The following CYB5R3 variants were observed in gnomAD, a reference collection of about 807,000 sequenced individuals.
CYB5R3 encodes the protein cytochrome b5 reductase 3, also known as NADH-cytochrome b5 reductase 3.
CYB5R3 carries 28 observed loss-of-function variants against 36.5 expected under a neutral mutation model. The observed-to-expected ratio is 0.77, with a 90% confidence interval of 0.57 to 1.05. CYB5R3 has a LOEUF of 1.05. Among genes scored for constraint, CYB5R3 ranks in the 50% least tolerant of loss-of-function variants. The pLI, the probability that CYB5R3 is intolerant of heterozygous loss-of-function variation, is 0.00. For synonymous variants in CYB5R3, 181 were observed against 159.8 expected (o/e 1.13, Z -1.00); for missense variants, 474 against 408.9 (o/e 1.16, Z -1.37).
At chr22:42,620,850 G>A (rs1186726650) in intron 8 of CYB5R3, among the ~76,000 whole-genome samples, 1 of 152,186 alleles carries the variant, frequency 6.6e-6, no homozygotes, top group Non-Finnish European at 1.5e-5. Flanking sequence ...GGGAAGCCTG[G>A]AGTGATACGT....
chr22:42,642,520 G>A (rs1028644167), intron 1 of CYB5R3, among the ~76,000 whole-genome samples: 4 of 152,158 alleles, frequency 2.6e-5, no homozygotes, highest in Non-Finnish European at 4.4e-5. Context: ...CTCACTGCAA[G>A]CTCTGCCTCC....
rs147491759 is a variant in CYB5R3 at position 42,641,708 on chromosome 22, A to G, written c.22-4862T>C. 3.9e-5 allele frequency among the ~76,000 whole-genome samples: 6 copies of G among 152,210 alleles called. No individual in the cohort carries two copies. In the East Asian group the frequency reaches 9.6e-4, roughly 24 times the overall value. On this transcript the variant is annotated intron_variant, in intron 1 of 8. Coordinates refer to ENST00000352397, the MANE Select transcript of CYB5R3 (RefSeq NM_000398.7). ...ATCATGTTGGCCAGGCTGGTCTCGAACTTCTGACCTCAGGTGATCTGCCTG... is the reference window on the plus strand; with the variant it reads ...ATCATGTTGGCCAGGCTGGTCTCGAGCTTCTGACCTCAGGTGATCTGCCTG...
At chr22:42,628,309 C>T (rs977736353) in intron 4 of CYB5R3, 28 bp from the exon 5 acceptor site, 3 of 1,612,280 alleles carry the variant, frequency 1.9e-6, no homozygotes, top group Non-Finnish European at 2.5e-6. Context: ...AGCCCTCAGT[C>T]CCCAGCTCCA....
intron 4 of CYB5R3, among the ~76,000 whole-genome samples, chr22:42,629,052 A>G (rs887412047): frequency 6.6e-6 from 1 of 152,168 alleles, no homozygotes; most frequent in Non-Finnish European, 1.5e-5. Flanking sequence ...CAAGGGAGCC[A>G]GCCAGGTCTC....
chr22:42,639,279 G>C (rs1185038580), intron 1 of CYB5R3, among the ~76,000 whole-genome samples: 1 of 149,396 alleles, frequency 6.7e-6, no homozygotes, highest in Admixed American at 6.7e-5. Flanking sequence ...AGCTGAGATC[G>C]TGCCACTGCA....
intron 7 of CYB5R3, 48 bp from the exon 8 acceptor site, chr22:42,623,936 C>T: frequency 6.6e-7 from 1 of 1,514,910 alleles, no homozygotes. Context: ...TGGCAGACTG[C>T]CCCTGGAGAC....
rs1237005504 is a variant in CYB5R3, at chr22:42,628,170, G to A, written c.445C>T (p.Leu149=). Residue 149 remains leucine, a synonymous_variant, in exon 5 of 9, where the codon CTG becomes TTG. Coordinates refer to ENST00000352397, the MANE Select transcript of CYB5R3 (RefSeq NM_000398.7). Reference sequence around the variant, plus strand: ...GAATCACCTTTGCCCTGGTAGACCAGCAGCCCACTGGGGCCCCGGAACTCA... The same window carrying A: ...GAATCACCTTTGCCCTGGTAGACCAACAGCCCACTGGGGCCCCGGAACTCA... ...TIEFRGPSGL[L]VYQGKGKFAI... is the part of the protein sequence containing the mutation. The A allele has an allele frequency of 2.5e-6, 4 of 1,613,964 alleles. No individual in the cohort carries two copies. The highest frequency in any genetic ancestry group is 1.3e-5 in the African/African-American group (1 of 74,904).
At chr22:42,627,249 C>T (rs958313855) in intron 7 of CYB5R3, 55 bp downstream of exon 7, 136 of 1,485,504 alleles carry the variant, frequency 9.2e-5, no homozygotes, top group Admixed American at 1.2e-4. Context: ...TGACCAGGCC[C>T]GAAGTCCCCT....
At chr22:42,636,211 T>C (rs1478069510) in intron 2 of CYB5R3, among the ~76,000 whole-genome samples, 2 of 151,180 alleles carry the variant, frequency 1.3e-5, no homozygotes, top group African/African-American at 4.9e-5. Context: ...GGCAAGACTC[T>C]GTCTCAAAAA....
At chr22:42,628,507 G>A (rs1421729837) in intron 4 of CYB5R3, among the ~76,000 whole-genome samples, 1 of 152,200 alleles carries the variant, frequency 6.6e-6, no homozygotes, top group Non-Finnish European at 1.5e-5. Flanking sequence ...TCCGGGGAAA[G>A]CAAACCACCA....
intron 4 of CYB5R3, among the ~76,000 whole-genome samples, chr22:42,629,640 G>C (rs1928504661): frequency 6.6e-6 from 1 of 152,206 alleles, no homozygotes; most frequent in Non-Finnish European, 1.5e-5. Flanking sequence ...ACCTGGCAAG[G>C]TAAGGGCCTC....
intron 1 of CYB5R3, chr22:42,646,852 G>A (rs1929562441): frequency 2.0e-6 from 2 of 985,510 alleles, no homozygotes; most frequent in African/African-American, 3.5e-5. Context: ...GCATGGGGCT[G>A]CCAGGGACAG....
intron 5 of CYB5R3, 120 bp from the exon 6 acceptor site, chr22:42,627,808 C>A: frequency 1.2e-6 from 1 of 809,886 alleles, no homozygotes; most frequent in Non-Finnish European, 2.1e-6. Flanking sequence ...GAGGCAGCTG[C>A]CATTCTAACG....
At chr22:42,624,867 C>A (rs932841641) in intron 7 of CYB5R3, among the ~76,000 whole-genome samples, 2 of 152,176 alleles carry the variant, frequency 1.3e-5, no homozygotes, top group African/African-American at 2.4e-5. Context: ...GGCTGGGGAA[C>A]TGCACCCACC....
At position 42,619,414 on chromosome 22, in the gene CYB5R3, C is replaced by T. The variant is rs1425550206; in HGVS notation, c.*359G>A. The T allele has an allele frequency of 2.5e-5, 7 of 278,432 alleles. No individual in the cohort carries two copies. The South Asian group carries it at 3.2e-4, about 13-fold the overall frequency. 17.2% of individuals were successfully genotyped at this position (278,432 alleles called of 1,614,324 possible). A position where few individuals can be genotyped will look rare whatever the true frequency, so the allele number is the denominator to read the frequency against. On this transcript the variant is annotated 3_prime_UTR_variant, in exon 9 of 9. Coordinates refer to ENST00000352397, the MANE Select transcript of CYB5R3 (RefSeq NM_000398.7). ...TGCCCATGTGTGTCTGCTGACATCC[C>T]GACTATGGTCCACGGCCGGGAATGG... is the stretch of plus-strand genomic sequence containing the variant.
intron 1 of CYB5R3, chr22:42,640,031 C>A: frequency 6.2e-7 from 1 of 1,613,542 alleles, no homozygotes. Context: ...GTCGACACCT[C>A]AGTGGCCACC....
chr22:42,644,620 G>A (rs1390426671), intron 1 of CYB5R3: 18 of 1,473,606 alleles, frequency 1.2e-5, no homozygotes, highest in Non-Finnish European at 1.5e-5. Context: ...AACTCCCTGG[G>A]GCAAGTACTA....
intron 7 of CYB5R3, among the ~76,000 whole-genome samples, chr22:42,624,205 C>T (rs879413369): frequency 1.3e-5 from 2 of 152,172 alleles, no homozygotes; most frequent in African/African-American, 2.4e-5. Context: ...GGCCAAGCTG[C>T]GCGACAGCAA....
Position 42,649,284 on chromosome 22 carries a change from T to C in CYB5R3, c.21+11A>G, listed in dbSNP as rs898178631. The C allele has an allele frequency of 1.0e-6, 1 of 981,610 alleles. No homozygotes were observed. The highest frequency in any genetic ancestry group is 1.2e-6 in the Non-Finnish European group (1 of 817,690). The allele number at this position is 981,610 out of a possible 1,614,324, so 60.8% of individuals were successfully genotyped here. On this transcript the variant is annotated intron_variant, in intron 1 of 8. Transcript: ENST00000352397. ...GACGCCCCGCGGCCCCGGCGCCCCC[T>C]CCCCGCCTACCGTGCTGAGCTGGGC...
Sources: gnomAD v4.1 joint callset for allele counts (sites outside exome capture counted in the v4.1 genomes callset) on GRCh38, gnomAD v4.1.1 for gene constraint, MANE v1.5 for transcripts, NCBI Gene and HGNC (gene_info 2026-07-23, HGNC 2026-07-21) for gene names.